NGLY1: variants seen among roughly 807,000 people sequenced by gnomAD.
NGLY1 encodes N-glycanase 1.
NGLY1 carries 68 observed loss-of-function variants against 84.6 expected under a neutral mutation model. That is an observed-to-expected ratio of 0.80 (90% CI 0.66 to 0.98). The LOEUF is 0.98. NGLY1 is among the 50% of genes least tolerant of loss of function. NGLY1 has a pLI of 0.00. For missense variants in NGLY1, 779 were observed against 770.2 expected, an observed-to-expected ratio of 1.01 and a Z score of -0.14; for synonymous variants, 280 against 275.2, an observed-to-expected ratio of 1.02 and a Z score of -0.17.
intron 3 of NGLY1, among the ~76,000 whole-genome samples, chr3:25,754,195 A>G (rs991957354): frequency 2.0e-5 from 3 of 152,258 alleles, no homozygotes; most frequent in Non-Finnish European, 4.4e-5. Context: ...TGCTGGGGAT[A>G]TAACGGTTAA....
At chr3:25,744,635 G>C (rs1706328234) in intron 4 of NGLY1, among the ~76,000 whole-genome samples, 1 of 152,128 alleles carries the variant, frequency 6.6e-6, no homozygotes, top group South Asian at 2.1e-4. Context: ...AATTTTGGAG[G>C]GATGACAATG....
chr3:25,776,035 G>C (rs550872880), intron 2 of NGLY1, among the ~76,000 whole-genome samples: 2 of 152,320 alleles, frequency 1.3e-5, no homozygotes, highest in South Asian at 2.1e-4. Context: ...TGGTGGTAGA[G>C]TTCAAGTCCT....
intron 2 of NGLY1, among the ~76,000 whole-genome samples, chr3:25,776,355 C>T (rs186331984): frequency 8.5e-5 from 13 of 152,256 alleles, no homozygotes; most frequent in Non-Finnish European, 1.6e-4. Context: ...TGTGACACTT[C>T]GACATGAGAA....
intron 10 of NGLY1, among the ~76,000 whole-genome samples, chr3:25,723,969 C>A (rs1252603086): frequency 6.6e-6 from 1 of 152,162 alleles, no homozygotes; most frequent in Non-Finnish European, 1.5e-5. Context: ...CATATACACC[C>A]TTTGCGTGAG....
At chr3:25,744,884 C>T (rs544742440) in intron 4 of NGLY1, among the ~76,000 whole-genome samples, 4 of 152,122 alleles carry the variant, frequency 2.6e-5, no homozygotes, top group Non-Finnish European at 4.4e-5. Flanking sequence ...CATATACATC[C>T]GAGCCGAAAA....
At chr3:25,780,674 G>A (rs1452939128) in intron 1 of NGLY1, among the ~76,000 whole-genome samples, 1 of 152,158 alleles carries the variant, frequency 6.6e-6, no homozygotes, top group Non-Finnish European at 1.5e-5. Flanking sequence ...CCCGGCTAGA[G>A]TGCAATGACG....
intron 4 of NGLY1, among the ~76,000 whole-genome samples, chr3:25,747,059 C>T (rs1706472874): frequency 6.6e-6 from 1 of 152,190 alleles, no homozygotes; most frequent in Non-Finnish European, 1.5e-5. Context: ...TGGTCTACAA[C>T]ATAATGTTTT....
At chr3:25,763,304 T>C (rs1413221100) in intron 3 of NGLY1, among the ~76,000 whole-genome samples, 1 of 152,184 alleles carries the variant, frequency 6.6e-6, no homozygotes, top group Non-Finnish European at 1.5e-5. Flanking sequence ...TAAACTATAA[T>C]ACTGCAATTA....
upstream of NGLY1, chr3:25,784,021 C>G (rs1708548494): frequency 6.6e-6 from 1 of 152,238 alleles, no homozygotes; most frequent in Non-Finnish European, 1.5e-5. Flanking sequence ...TACCTCCCTC[C>G]TTTCCCCACA....
Position 25,749,251 on chromosome 3 carries a change from C to T in NGLY1, c.658+1847G>A, listed in dbSNP as rs149237348. Among the ~76,000 whole-genome samples, 149 of 152,170 alleles carry T rather than the reference C, an allele frequency of 9.8e-4. 2 individuals carry two copies. The highest frequency in any genetic ancestry group is 3.8e-4 in the Non-Finnish European group (26 of 67,998). ...AGCAGTTTCACTTCTGGGTGTATAC[C>T]AAAAATAATTGAAACCAGGATTTCA... On this transcript the variant is annotated intron_variant, in intron 4 of 11. Transcript: ENST00000280700.
intron 4 of NGLY1, among the ~76,000 whole-genome samples, chr3:25,742,890 A>G: frequency 6.6e-6 from 1 of 150,640 alleles, no homozygotes; most frequent in East Asian, 1.9e-4. Flanking sequence ...GTGGCAAAAA[A>G]AAAAAAAAAA....
chr3:25,786,683 T>A (rs1708609605), upstream of NGLY1, among the ~76,000 whole-genome samples: 2 of 152,238 alleles, frequency 1.3e-5, no homozygotes, highest in Non-Finnish European at 1.5e-5. Context: ...ACTCAAGAAC[T>A]TTAACAGAAG....
At chr3:25,780,671 A>G (rs952367907) in intron 1 of NGLY1, among the ~76,000 whole-genome samples, 21 of 152,192 alleles carry the variant, frequency 1.4e-4, no homozygotes, top group Middle Eastern at 3.2e-3. Flanking sequence ...CACCCCGGCT[A>G]GAGTGCAATG....
At chr3:25,739,538 T>G (rs1706018111) in intron 5 of NGLY1, 39 bp downstream of exon 5, 12 of 1,565,812 alleles carry the variant, frequency 7.7e-6, no homozygotes, top group Non-Finnish European at 1.1e-5. Context: ...AACTATTTCA[T>G]TAAGAGATTA....
At chr3:25,777,522 C>A (rs1327019034) in intron 2 of NGLY1, among the ~76,000 whole-genome samples, 1 of 151,610 alleles carries the variant, frequency 6.6e-6, no homozygotes, top group Non-Finnish European at 1.5e-5. Flanking sequence ...CAGCTTATTT[C>A]TGTTTCACGG....
intron 7 of NGLY1, chr3:25,734,750 A>C (rs922719946): frequency 4.5e-6 from 4 of 893,248 alleles, no homozygotes; most frequent in Non-Finnish European, 5.4e-6. Flanking sequence ...AAAAGCCTAT[A>C]AAATAAACGG....
At chr3:25,726,668 C>T (rs112063288) in intron 10 of NGLY1, among the ~76,000 whole-genome samples, 42 of 152,238 alleles carry the variant, frequency 2.8e-4, no homozygotes, top group African/African-American at 9.6e-4. Context: ...TTGGAAAAGA[C>T]GTGGAGCTAT....
chr3:25,787,502 T>C (rs1481616210), upstream of NGLY1, among the ~76,000 whole-genome samples: 1 of 152,184 alleles, frequency 6.6e-6, no homozygotes, highest in Non-Finnish European at 1.5e-5. Context: ...AAGTTTTCTA[T>C]GGCTCCCTCT....
At chr3:25,760,657 C>T (rs1051014367) in intron 3 of NGLY1, among the ~76,000 whole-genome samples, 2 of 151,950 alleles carry the variant, frequency 1.3e-5, no homozygotes, top group African/African-American at 4.8e-5. Context: ...GTTGGGAGTT[C>T]GAGACCAGCC....
Sources: allele counts gnomAD v4.1 joint callset (sites outside exome capture counted in the v4.1 genomes callset), GRCh38; gene constraint gnomAD v4.1.1; transcripts MANE v1.5; gene names NCBI Gene and HGNC (gene_info 2026-07-23, HGNC 2026-07-21).